Variants in TENM1 observed in about 807,000 individuals in gnomAD.
TENM1 encodes teneurin transmembrane protein 1, also known as teneurin-1.
In TENM1, 35 loss-of-function variants were observed where a neutral mutation model predicts 174.8. That is an observed-to-expected ratio of 0.20 (90% CI 0.15 to 0.27). TENM1 has a LOEUF of 0.27. Among genes scored for constraint, TENM1 ranks in the 10% least tolerant of loss-of-function variants. TENM1 has a pLI of 1.00. For missense variants in TENM1, 1,633 were observed against 2,130.1 expected, an observed-to-expected ratio of 0.77 and a Z score of 4.59; for synonymous variants, 781 against 798.7, an observed-to-expected ratio of 0.98 and a Z score of 0.37.
intron 6 of TENM1, among the ~76,000 whole-genome samples, chrX:124,658,514 T>C (rs1333410487): frequency 8.9e-6 from 1 of 111,761 alleles, no homozygotes; most frequent in Non-Finnish European, 1.9e-5. Context: ...TATAATTGTT[T>C]TTATTAAATG....
intron 8 of TENM1, among the ~76,000 whole-genome samples, chrX:124,649,403 A>G (rs2051240770): frequency 8.9e-6 from 1 of 112,638 alleles, no homozygotes; most frequent in African/African-American, 3.2e-5. Context: ...CTCAAATTTC[A>G]ATTTTGCCAC....
intron 14 of TENM1, among the ~76,000 whole-genome samples, chrX:124,549,524 C>T (rs959028224): frequency 2.7e-5 from 3 of 110,566 alleles, no homozygotes; most frequent in East Asian, 2.8e-4. Context: ...ATGCCAAAAA[C>T]GATCTTAAAA....
At chrX:125,197,236 T>A in the TENM1 span, among the ~76,000 whole-genome samples, 32 of 112,086 alleles carry the variant, frequency 2.9e-4, no homozygotes, top group African/African-American at 1.0e-3. Context: ...AACATTAAAA[T>A]GAAAGTGGAT....
chrX:124,918,446 T>A (rs763052828), intron 1 of TENM1, among the ~76,000 whole-genome samples: 1 of 110,562 alleles, frequency 9.0e-6, no homozygotes, highest in African/African-American at 3.3e-5. Flanking sequence ...TCCCATAGTG[T>A]TGGGATTACA....
the TENM1 span, among the ~76,000 whole-genome samples, chrX:125,079,875 G>A: frequency 9.0e-6 from 1 of 111,726 alleles, no homozygotes; most frequent in South Asian, 3.7e-4. Flanking sequence ...CAGCATTCCT[G>A]CTTTTCTAAC....
At chrX:124,892,854 T>C (rs987459764) in intron 3 of TENM1, among the ~76,000 whole-genome samples, 7 of 112,396 alleles carry the variant, frequency 6.2e-5, no homozygotes, top group South Asian at 3.6e-4. Flanking sequence ...AAAAATATTC[T>C]AAGTAGTTTT....
At chrX:124,479,403 T>C (rs1350012944) in intron 22 of TENM1, among the ~76,000 whole-genome samples, 1 of 112,135 alleles carries the variant, frequency 8.9e-6, no homozygotes, top group Non-Finnish European at 1.9e-5. Flanking sequence ...TACCAGATTA[T>C]GGCAAAGGAA....
At chrX:124,717,144 T>A (rs1299754771) in intron 4 of TENM1, among the ~76,000 whole-genome samples, 2 of 111,623 alleles carry the variant, frequency 1.8e-5, no homozygotes, top group Non-Finnish European at 3.8e-5. Flanking sequence ...TACGGACCCA[T>A]ATGGATATGC....
At chrX:124,989,720 GAA>G in the TENM1 span, among the ~76,000 whole-genome samples, 6 of 101,902 alleles carry the variant, frequency 5.9e-5, no homozygotes, top group African/African-American at 1.8e-4. Flanking sequence ...TCTTCTGCAG[GAA>G]AAAAAAAAAA....
intron 4 of TENM1, among the ~76,000 whole-genome samples, chrX:124,734,182 T>C (rs1277172327): frequency 8.9e-6 from 1 of 112,185 alleles, no homozygotes; most frequent in Non-Finnish European, 1.9e-5. Context: ...CTGGGCACGG[T>C]GGCTCACGCC....
chrX:124,485,916 G>C (rs138701604), intron 21 of TENM1, among the ~76,000 whole-genome samples: 1 of 111,995 alleles, frequency 8.9e-6, no homozygotes, highest in East Asian at 2.8e-4. Flanking sequence ...ATTTTGCTCA[G>C]CCAGGCTGTT....
the TENM1 span, among the ~76,000 whole-genome samples, chrX:125,055,740 C>CA: frequency 4.5e-5 from 5 of 111,674 alleles, no homozygotes; most frequent in Admixed American, 4.8e-4. Flanking sequence ...GGCCACCTGA[C>CA]AGAGTTTCAT....
At chrX:124,886,558 G>T (rs1483150140) in intron 3 of TENM1, among the ~76,000 whole-genome samples, 3 of 100,094 alleles carry the variant, frequency 3.0e-5, no homozygotes, top group African/African-American at 3.6e-5. Flanking sequence ...TAGAGAGAGA[G>T]AGAGAGAGAG....
intron 27 of TENM1, among the ~76,000 whole-genome samples, chrX:124,401,807 A>C (rs780401978): frequency 1.8e-5 from 2 of 111,897 alleles, no homozygotes; most frequent in South Asian, 7.6e-4. Context: ...GATCGGGTAA[A>C]AATTAACCAG....
At chrX:124,613,354 ATTGTGT>A (rs1216106882) in intron 11 of TENM1, among the ~76,000 whole-genome samples, 1 of 111,150 alleles carries the variant, frequency 9.0e-6, no homozygotes, top group Non-Finnish European at 1.9e-5. Flanking sequence ...TGCTGATCGC[ATTGTGT>A]TTGGTTTTAA....
intron 18 of TENM1, among the ~76,000 whole-genome samples, chrX:124,505,366 G>C (rs1464636989): frequency 1.8e-5 from 2 of 111,683 alleles, no homozygotes; most frequent in African/African-American, 6.5e-5. Context: ...TGTCAATGCT[G>C]TTCTCTATTA....
rs1209342471 is a variant in TENM1, at chrX:124,503,803, T to G, written c.3302-100A>C. The stretch of plus-strand genomic sequence containing the variant: ...TGTGGATATCACTTTGGCTACTGAA[T>G]TCTGATTAGAGTTGAAATTTGACTG... On this transcript the variant is annotated intron_variant, in intron 18 of 31. Transcript: ENST00000422452. 3.5e-6 allele frequency: 3 copies of G among 857,298 alleles called. No individual in the cohort carries two copies. In the African/African-American group the frequency reaches 6.1e-5, roughly 17 times the overall value. The allele number at this position is 857,298 out of a possible 1,213,427, so 70.7% of individuals were successfully genotyped here.
At chrX:125,122,966 T>C in the TENM1 span, among the ~76,000 whole-genome samples, 2 of 111,732 alleles carry the variant, frequency 1.8e-5, no homozygotes, top group African/African-American at 6.5e-5. Context: ...GAAGACATAA[T>C]GAGAATGCAA....
At chrX:124,562,724 G>T (rs180998678) in intron 13 of TENM1, among the ~76,000 whole-genome samples, 3 of 112,748 alleles carry the variant, frequency 2.7e-5, no homozygotes, top group Non-Finnish European at 5.6e-5. Context: ...CGCCACATGC[G>T]CAGTGGGCAG....
Sources: gnomAD v4.1 joint callset for allele counts (sites outside exome capture counted in the v4.1 genomes callset) on GRCh38, gnomAD v4.1.1 for gene constraint, MANE v1.5 for transcripts, NCBI Gene and HGNC (gene_info 2026-07-23, HGNC 2026-07-21) for gene names.